Variants in GBX1 observed in about 807,000 individuals in gnomAD.
GBX1 encodes the protein homeobox protein GBX-1.
A neutral mutation model predicts 22.9 loss-of-function variants in GBX1; 9 were observed. The observed-to-expected ratio is 0.39, with a 90% CI of 0.24 to 0.69. GBX1 has a LOEUF of 0.69. GBX1 is among the 30% of genes least tolerant of loss of function. The pLI, the probability that GBX1 is intolerant of heterozygous loss-of-function variation, is 0.43. For missense variants in GBX1, 494 were observed against 509.2 expected, an observed-to-expected ratio of 0.97 and a Z score of 0.29; for synonymous variants, 203 against 227.3, an observed-to-expected ratio of 0.89 and a Z score of 0.96.
At chr7:151,163,985 CCT>C (rs1228047848) in intron 1 of GBX1, among the ~76,000 whole-genome samples, 1 of 152,196 alleles carries the variant, frequency 6.6e-6, no homozygotes, top group Non-Finnish European at 1.5e-5. Context: ...TAACAAAGTT[CCT>C]TTTATCCTTC....
At chr7:151,159,865 T>C (rs1801172787) in intron 1 of GBX1, among the ~76,000 whole-genome samples, 2 of 152,148 alleles carry the variant, frequency 1.3e-5, no homozygotes, top group Admixed American at 1.3e-4. Flanking sequence ...CTTTATCAAA[T>C]GTTTCTCTCT....
intron 1 of GBX1, among the ~76,000 whole-genome samples, chr7:151,161,784 C>T (rs759251323): frequency 6.6e-5 from 10 of 152,140 alleles, no homozygotes; most frequent in Non-Finnish European, 1.3e-4. Context: ...TAAATTTTCT[C>T]CCACCCATAG....
chr7:151,159,353 C>CCACT lies in GBX1; in HGVS notation c.538+7654_538+7657dup, dbSNP rs1344768435. On this transcript the variant is annotated intron_variant, in intron 1 of 1. Transcript: ENST00000297537. ...AAAGTGCTGGGATTACAGCCATGAG[C>CCACT]CACTGCACCCAGGCAGAGACTGAAT... is the stretch of plus-strand genomic sequence containing the variant. 3.9e-5 allele frequency among the ~76,000 whole-genome samples: 6 copies of CCACT among 152,196 alleles called. No individual in the cohort carries two copies. In the South Asian group the frequency reaches 1.2e-3, roughly 32 times the overall value.
At chr7:151,166,284 G>T (rs1801248735) in intron 1 of GBX1, among the ~76,000 whole-genome samples, 1 of 152,072 alleles carries the variant, frequency 6.6e-6, no homozygotes, top group Non-Finnish European at 1.5e-5. Flanking sequence ...TCTTAGCTGG[G>T]TTCTGCACCC....
chr7:151,161,573 G>A (rs560694024), intron 1 of GBX1, among the ~76,000 whole-genome samples: 1 of 152,262 alleles, frequency 6.6e-6, no homozygotes, highest in African/African-American at 2.4e-5. Context: ...TACATTTGAA[G>A]TCAAGTATAT....
At position 151,167,236 on chromosome 7, in the gene GBX1, G is replaced by C; in HGVS notation, c.313C>G (p.Leu105Val). The C allele has an allele frequency of 6.4e-7, 1 of 1,553,306 alleles. No individual in the cohort carries two copies. Among genetic ancestry groups the C allele is most frequent in the Non-Finnish European group, 8.7e-7 (1 of 1,151,678 alleles). ...VPSMVALTTA[L>V]PSFAEPPDAF... ...TCGGGCGGCTCCGCGAAGCTGGGCAGCGCGGTGGTCAGCGCCACCATCGAG... is the reference window on the plus strand; with the variant it reads ...TCGGGCGGCTCCGCGAAGCTGGGCACCGCGGTGGTCAGCGCCACCATCGAG... The change falls in exon 1 of 2, where the codon CTG becomes GTG. Residue 105 changes from leucine (L) to valine (V), a missense_variant. This residue lies in a region of GBX1 where 365 missense variants were observed against 340.4 expected (regional missense o/e 1.07). Transcript: ENST00000297537. This position sits in a 1 kb window ranked among gnomAD's most constrained non-coding sequence, Gnocchi z 5.9.
chr7:151,152,832 C>T (rs1801095283), intron 1 of GBX1, among the ~76,000 whole-genome samples: 1 of 152,210 alleles, frequency 6.6e-6, no homozygotes, highest in Non-Finnish European at 1.5e-5. Flanking sequence ...TTCACAACCT[C>T]TCTTGGTTAC....
At chr7:151,152,210 G>T (rs969905945) in intron 1 of GBX1, among the ~76,000 whole-genome samples, 2 of 152,138 alleles carry the variant, frequency 1.3e-5, no homozygotes, top group Non-Finnish European at 2.9e-5. Context: ...AAATGCTCAT[G>T]CATGTGCTCC....
In GBX1 at chr7:151,148,185, A is replaced by G. The variant is rs1386275596; in HGVS notation, c.*404T>C. On this transcript the variant is annotated 3_prime_UTR_variant, in exon 2 of 2. Transcript: ENST00000297537. This position sits in a 1 kb window ranked among gnomAD's most constrained non-coding sequence, Gnocchi z 5.1. ...TATATACACATTTACACAAATAAAT[A>G]AGGAGCTGCGATCTACTTGGCTAGG... 1.3e-5 allele frequency among the ~76,000 whole-genome samples: 2 copies of G among 152,214 alleles called. No individual in the cohort carries two copies. Among genetic ancestry groups the G allele is most frequent in the Non-Finnish European group, 2.9e-5 (2 of 68,028 alleles).
At chr7:151,159,486 G>A (rs1435900854) in intron 1 of GBX1, among the ~76,000 whole-genome samples, 3 of 152,194 alleles carry the variant, frequency 2.0e-5, no homozygotes, top group Non-Finnish European at 4.4e-5. Flanking sequence ...TCAGACTCCA[G>A]CAATCCTCCT....
intron 1 of GBX1, among the ~76,000 whole-genome samples, chr7:151,159,914 G>A (rs531998300): frequency 6.6e-6 from 1 of 152,098 alleles, no homozygotes; most frequent in African/African-American, 2.4e-5. Flanking sequence ...CATAGCTTGG[G>A]TATGCCCTCC....
Position 151,167,360 on chromosome 7 carries a change from AG to A in GBX1, c.188del (p.Pro63LeufsTer14). On this transcript the variant is annotated frameshift_variant, in exon 1 of 2. Transcript: ENST00000297537. LOFTEE classifies it high-confidence loss of function. This position sits in a 1 kb window ranked among gnomAD's most constrained non-coding sequence, Gnocchi z 5.9. ...RPLVLPQALAPAPLPAGLPPL... is the reference protein window; with the variant it reads ...RPLVLPQALAXAPLPAGLPPL... ...GCGGGAGGCCAGCGGGCAGCGGCGC[AG>A]GGGCCAGCGCCTGCGGCAGCACGAG... 6.6e-7 allele frequency: 1 copy of A among 1,509,006 alleles called. No individual in the cohort carries two copies. The highest frequency in any genetic ancestry group is 1.3e-5 in the South Asian group (1 of 79,268). 93.5% of individuals were successfully genotyped at this position (1,509,006 alleles called of 1,614,324 possible).
intron 1 of GBX1, among the ~76,000 whole-genome samples, chr7:151,158,726 CAT>C (rs1166097712): frequency 1.3e-5 from 2 of 152,134 alleles, no homozygotes; most frequent in East Asian, 1.9e-4. Context: ...CTTTTCAATA[CAT>C]AGAGTGTCAC....
At chr7:151,157,204 G>C (rs941377097) in intron 1 of GBX1, among the ~76,000 whole-genome samples, 1 of 152,054 alleles carries the variant, frequency 6.6e-6, no homozygotes, top group African/African-American at 2.4e-5. Flanking sequence ...GCTGAGGCAA[G>C]AGAATTGCTT....
rs13241978 is a variant in GBX1 at position 151,167,153 on chromosome 7, G to A, written c.396C>T (p.Ala132=). 106 of 1,596,062 alleles carry A rather than the reference G, an allele frequency of 6.6e-5. No homozygotes were observed. Among genetic ancestry groups the A allele is most frequent in the Non-Finnish European group, 8.5e-5 (100 of 1,173,958 alleles). Residue 132 remains alanine (A), a synonymous_variant, in exon 1 of 2, where the codon GCC becomes GCT. Coordinates refer to ENST00000297537, the MANE Select transcript of GBX1 (RefSeq NM_001098834.3). The surrounding 1 kb of genome is among the most constrained non-coding windows in gnomAD (Gnocchi z 5.9). ...CGCCTGGCTCGGGGTTGTTTCGGGCGGCAGTGGCGGCGGCGGCGGCAGCGG... is the reference window on the plus strand; with the variant it reads ...CGCCTGGCTCGGGGTTGTTTCGGGCAGCAGTGGCGGCGGCGGCGGCAGCGG... ...AAAAAAAAAT[A]ARNNPEPGGR...
In GBX1 at chr7:151,167,105, C is replaced by G. The variant is rs747312729; in HGVS notation, c.444G>C (p.Leu148=). 1.2e-6 allele frequency: 2 copies of G among 1,603,452 alleles called. No individual in the cohort carries two copies. The highest frequency in any genetic ancestry group is 2.2e-5 in the South Asian group (2 of 89,672). ...GGGCCGGCAGCAGCTCATCAGCTTC[C>G]AGCCCACCCTCTGGGCGTCGGCCGC... ...EPGGRRPEGG[L]EADELLPARE... is the part of the protein sequence containing the mutation. The change falls in exon 1 of 2, where the codon CTG becomes CTC. Residue 148 remains leucine, a synonymous_variant. Coordinates refer to ENST00000297537, the MANE Select transcript of GBX1 (RefSeq NM_001098834.3). The surrounding 1 kb of genome is among the most constrained non-coding windows in gnomAD (Gnocchi z 5.9).
chr7:151,154,741 G>A (rs1256684992), intron 1 of GBX1, among the ~76,000 whole-genome samples: 2 of 152,176 alleles, frequency 1.3e-5, no homozygotes, highest in South Asian at 2.1e-4. Flanking sequence ...TCCAGGAGAC[G>A]TGCTTGCATG....
chr7:151,152,604 G>A (rs765018410), intron 1 of GBX1, among the ~76,000 whole-genome samples: 14 of 152,206 alleles, frequency 9.2e-5, no homozygotes, highest in Non-Finnish European at 1.9e-4. Context: ...TTCGAGGCTT[G>A]AAGGATAAAA....
chr7:151,166,665 C>T (rs1801255137), intron 1 of GBX1, among the ~76,000 whole-genome samples: 1 of 152,084 alleles, frequency 6.6e-6, no homozygotes, highest in South Asian at 2.1e-4. Context: ...ATCCTTGTAG[C>T]TTGTCTACCC....
Sources: allele counts gnomAD v4.1 joint callset (sites outside exome capture counted in the v4.1 genomes callset), GRCh38; gene constraint gnomAD v4.1.1; regional missense constraint gnomAD v4.1.1; non-coding constraint Gnocchi (gnomAD v3.1); transcripts MANE v1.5; gene names NCBI Gene and HGNC (gene_info 2026-07-23, HGNC 2026-07-21).